The following CNTNAP4 variants were observed in gnomAD, a reference collection of about 807,000 sequenced individuals.
The protein encoded by CNTNAP4 is contactin-associated protein-like 4.
A neutral mutation model predicts 148.4 loss-of-function variants in CNTNAP4; 98 were observed. That is an observed-to-expected ratio of 0.66 (90% CI 0.56 to 0.78). The LOEUF (loss-of-function observed/expected upper bound fraction) is 0.78, where lower values mean the gene tolerates loss of function less well. Ranked by LOEUF, CNTNAP4 falls within the 30% of genes least tolerant of loss-of-function variation. The probability of loss-of-function intolerance (pLI) is 0.00; values close to 1 mark genes in which losing one functional copy is unlikely to be tolerated. For missense variants in CNTNAP4, 1,935 were observed against 1,565.6 expected, an observed-to-expected ratio of 1.24 and a Z score of -3.98; for synonymous variants, 730 against 565.1, an observed-to-expected ratio of 1.29 and a Z score of -4.14.
intron 15 of CNTNAP4, among the ~76,000 whole-genome samples, chr16:76,513,442 G>A (rs2083109511): frequency 6.6e-6 from 1 of 152,148 alleles, no homozygotes; most frequent in African/African-American, 2.4e-5. Flanking sequence ...GTACTTACCT[G>A]TAGTGTTCTT....
chr16:76,419,333 T>C (rs1568090372), intron 3 of CNTNAP4, among the ~76,000 whole-genome samples: 1 of 151,976 alleles, frequency 6.6e-6, no homozygotes. Flanking sequence ...TTCAGGAGAA[T>C]AGCCCTTTGT....
At chr16:76,353,667 A>G (rs1222093690) in intron 2 of CNTNAP4, among the ~76,000 whole-genome samples, 1 of 152,010 alleles carries the variant, frequency 6.6e-6, no homozygotes, top group African/African-American at 2.4e-5. Context: ...CCTGCTTGTC[A>G]TACAGAAGCT....
rs551313579 is a variant in CNTNAP4, at chr16:76,397,405, G to C, written c.391-30047G>C. ...TAAAGGGTTAAATTTCAGTGAGAAT[G>C]GGACAAGCAGAAACAGTAACCATTT... On this transcript the variant is annotated intron_variant, in intron 3 of 23. Coordinates refer to ENST00000611870, the MANE Select transcript of CNTNAP4 (RefSeq NM_033401.5). Among the ~76,000 whole-genome samples the C allele has an allele frequency of 2.0e-5, 3 of 152,066 alleles. No homozygotes were observed. The South Asian group carries it at 6.2e-4, about 32-fold the overall frequency.
intron 10 of CNTNAP4, among the ~76,000 whole-genome samples, chr16:76,471,058 A>T (rs961985546): frequency 6.6e-6 from 1 of 152,070 alleles, no homozygotes; most frequent in African/African-American, 2.4e-5. Context: ...GACTTCTTAT[A>T]TTCACATCTT....
chr16:76,311,110 G>A (rs1486878781), intron 1 of CNTNAP4, among the ~76,000 whole-genome samples: 2 of 151,924 alleles, frequency 1.3e-5, no homozygotes, highest in Non-Finnish European at 1.5e-5. Flanking sequence ...CTTAGTACAG[G>A]TAATATTACA....
chr16:76,492,534 G>T (rs1177474912), intron 13 of CNTNAP4, among the ~76,000 whole-genome samples: 1 of 152,056 alleles, frequency 6.6e-6, no homozygotes, highest in Non-Finnish European at 1.5e-5. Flanking sequence ...GAGTAAAAGG[G>T]CTTGATATGG....
intron 1 of CNTNAP4, among the ~76,000 whole-genome samples, chr16:76,281,956 G>A (rs1958703759): frequency 6.6e-6 from 1 of 151,712 alleles, no homozygotes; most frequent in Non-Finnish European, 1.5e-5. Flanking sequence ...ATTTTATTAA[G>A]ATTGTTTACC....
chr16:76,373,912 AAAG>A (rs2015138993), intron 3 of CNTNAP4, among the ~76,000 whole-genome samples: 2 of 151,680 alleles, frequency 1.3e-5, no homozygotes, highest in Admixed American at 6.6e-5. Context: ...AAAAAAAAAA[AAAG>A]AAAAGGAAAG....
intron 3 of CNTNAP4, among the ~76,000 whole-genome samples, chr16:76,357,216 G>A (rs1004703207): frequency 6.6e-6 from 1 of 152,106 alleles, no homozygotes; most frequent in African/African-American, 2.4e-5. Flanking sequence ...TAGATGTTTG[G>A]ATTATCTTCT....
intron 2 of CNTNAP4, among the ~76,000 whole-genome samples, chr16:76,328,807 G>C (rs889806679): frequency 1.3e-5 from 2 of 152,042 alleles, no homozygotes; most frequent in African/African-American, 4.8e-5. Context: ...CACCGCACCT[G>C]GCTAATTTTG....
At chr16:76,524,991 A>G (rs1019166542) in intron 17 of CNTNAP4, among the ~76,000 whole-genome samples, 1 of 152,086 alleles carries the variant, frequency 6.6e-6, no homozygotes, top group Non-Finnish European at 1.5e-5. Context: ...AAACACTTGT[A>G]GTCTTGGGTA....
intron 1 of CNTNAP4, among the ~76,000 whole-genome samples, chr16:76,300,481 G>A (rs113108839): frequency 0.024 from 3,716 of 152,132 alleles, 154 homozygotes; most frequent in African/African-American, 0.084. Flanking sequence ...AAACCACCAT[G>A]GCACGTGTAT....
intron 15 of CNTNAP4, among the ~76,000 whole-genome samples, chr16:76,507,747 T>C (rs4422007): frequency 0.67 from 63,529 of 95,048 alleles, 27,123 homozygotes; most frequent in East Asian, 0.88. Context: ...AGTAGAAGCC[T>C]AGGCATTCAT....
At chr16:76,413,991 C>A (rs2078893259) in intron 3 of CNTNAP4, among the ~76,000 whole-genome samples, 1 of 151,210 alleles carries the variant, frequency 6.6e-6, no homozygotes, top group Admixed American at 6.6e-5. Flanking sequence ...TGCACTCATA[C>A]ACCTATAAAT....
chr16:76,335,127 T>C (rs1435462350), intron 2 of CNTNAP4, among the ~76,000 whole-genome samples: 1 of 152,102 alleles, frequency 6.6e-6, no homozygotes, highest in Non-Finnish European at 1.5e-5. Flanking sequence ...GTTATTTTCA[T>C]TGTAATGTGT....
intron 15 of CNTNAP4, among the ~76,000 whole-genome samples, chr16:76,512,853 G>T (rs948569735): frequency 6.6e-6 from 1 of 152,152 alleles, no homozygotes; most frequent in Non-Finnish European, 1.5e-5. Context: ...GTTTCAAGGA[G>T]GAGAGAGCAA....
At chr16:76,508,753 CT>C (rs373123073) in intron 15 of CNTNAP4, among the ~76,000 whole-genome samples, 5,385 of 70,928 alleles carry the variant, frequency 0.076, 632 homozygotes, top group African/African-American at 0.16. Flanking sequence ...AAAATCATAA[CT>C]TTTTTTTTTT....
intron 10 of CNTNAP4, among the ~76,000 whole-genome samples, chr16:76,471,598 C>T (rs1277760493): frequency 6.6e-6 from 1 of 152,232 alleles, no homozygotes; most frequent in African/African-American, 2.4e-5. Flanking sequence ...CATCCAGGCC[C>T]GTTGTTTTCC....
At chr16:76,486,781 GGAGA>G (rs1298135329) in intron 12 of CNTNAP4, among the ~76,000 whole-genome samples, 1 of 152,166 alleles carries the variant, frequency 6.6e-6, no homozygotes, top group Non-Finnish European at 1.5e-5. Context: ...GAGGGAAGGA[GGAGA>G]GAGTGTGCCA....
Sources: gnomAD v4.1 joint callset for allele counts (sites outside exome capture counted in the v4.1 genomes callset) on GRCh38, gnomAD v4.1.1 for gene constraint, MANE v1.5 for transcripts, NCBI Gene and HGNC (gene_info 2026-07-23, HGNC 2026-07-21) for gene names.